TMEM127: variants seen among roughly 807,000 people sequenced by gnomAD.
The protein encoded by TMEM127 is transmembrane protein 127.
In TMEM127, 21 loss-of-function variants were observed where a neutral mutation model predicts 20.1. That is an observed-to-expected ratio of 1.04 (90% CI 0.74 to 1.50). The LOEUF (loss-of-function observed/expected upper bound fraction) is 1.50. TMEM127 is among the 40% of genes most tolerant of loss of function. The pLI is 0.00. For synonymous variants in TMEM127, 150 were observed against 144.7 expected (o/e 1.04, Z -0.26); for missense variants, 303 against 317.4 (o/e 0.95, Z 0.34).
Position 96,248,969 on chromosome 2 carries a change from T to C in TMEM127, c.*4839A>G. On this transcript the variant is annotated 3_prime_UTR_variant, in exon 4 of 4. Transcript: ENST00000258439. ...CCACTCAGCTGAAGGGGCTGGCCAG[T>C]CCCGCATAAACCCTCCAGCTCTGAG... The C allele has an allele frequency of 4.3e-6, 1 of 232,900 alleles. No individual in the cohort carries two copies. Among genetic ancestry groups the C allele is most frequent in the Non-Finnish European group, 8.5e-6 (1 of 117,908 alleles). 14.4% of individuals were successfully genotyped at this position (232,900 alleles called of 1,614,324 possible).
chr2:96,253,965 G>A lies in TMEM127; in HGVS notation c.560C>T (p.Ser187Leu), dbSNP rs1684147520. Residue 187 changes from serine to leucine, a missense_variant, in exon 4 of 4, where the codon TCA (serine) becomes TTA (leucine). By Grantham distance (145) the Ser-to-Leu change is moderately radical. Coordinates refer to ENST00000258439, the MANE Select transcript of TMEM127 (RefSeq NM_017849.4). The surrounding 1 kb of genome is among the most constrained non-coding windows in gnomAD (Gnocchi z 4.3). ...GAGGTTGGCTGCCGTGGCCAGGATT[G>A]AGGCTCCACCAGCTCCTGCCACCAG... ...FYLVAGAGGA[S>L]ILATAANLLR... The A allele has an allele frequency of 1.2e-6, 2 of 1,614,168 alleles. No homozygotes were observed. Among genetic ancestry groups the A allele is most frequent in the Non-Finnish European group, 1.7e-6 (2 of 1,180,028 alleles).
intron 2 of TMEM127, among the ~76,000 whole-genome samples, chr2:96,262,434 A>C (rs1684330143): frequency 6.6e-6 from 1 of 152,104 alleles, no homozygotes; most frequent in South Asian, 2.1e-4. Context: ...GTACCAAAAA[A>C]CCAGTAGGTA....
chr2:96,254,199 T>G, intron 3 of TMEM127, 84 bp from the exon 4 acceptor site: 4 of 1,553,082 alleles, frequency 2.6e-6, no homozygotes, highest in Non-Finnish European at 3.5e-6. Flanking sequence ...ACAGCCTCTC[T>G]ACCCAAACCC....
rs114226629 is a variant in TMEM127 at position 96,248,514 on chromosome 2, T to C, written c.*5294A>G. 6,111 of 190,102 alleles carry C rather than the reference T, an allele frequency of 0.032. 150 individuals carry two copies. Among genetic ancestry groups the C allele is most frequent in the Non-Finnish European group, 0.048 (4,323 of 90,608 alleles). 11.8% of individuals were successfully genotyped at this position (190,102 alleles called of 1,614,324 possible). On this transcript the variant is annotated 3_prime_UTR_variant, in exon 4 of 4. Transcript: ENST00000258439. ...GTCTCAAAAAATAAATAAGAAAAAA[T>C]GAATGAGACATTCTTCTTTTATTAA... is the stretch of plus-strand genomic sequence containing the variant.
At chr2:96,262,876 A>T (rs190652919) in intron 2 of TMEM127, among the ~76,000 whole-genome samples, 1 of 152,168 alleles carries the variant, frequency 6.6e-6, no homozygotes, top group Non-Finnish European at 1.5e-5. Flanking sequence ...ATGGGGTTTC[A>T]CCATGTTGGC....
chr2:96,260,569 G>T (rs943358444), intron 2 of TMEM127: 1 of 152,154 alleles, frequency 6.6e-6, no homozygotes, highest in African/African-American at 2.4e-5. Flanking sequence ...AGGGAAGTAG[G>T]CAGCTGTAAT....
Position 96,254,110 on chromosome 2 carries a change from G to A in TMEM127, c.415C>T (p.Gln139Ter). Residue 139 changes from glutamine (Q) to a stop codon, truncating the protein, a stop_gained, in exon 4 of 4, where the codon CAG becomes TAG. Transcript: ENST00000258439. LOFTEE classifies it high-confidence loss of function. ...YAFAHILTVL[Q>*]CATVIGFSYW... ...GAAAAGCCAATGACGGTGGCACACT[G>A]CAGAACTAGGAGACAGAGGGACAGC... 1.2e-6 allele frequency: 2 copies of A among 1,613,884 alleles called. No homozygotes were observed. Among genetic ancestry groups the A allele is most frequent in the Non-Finnish European group, 1.7e-6 (2 of 1,180,036 alleles).
At chr2:96,257,035 G>GA (rs1303421828) in intron 2 of TMEM127, among the ~76,000 whole-genome samples, 10 of 152,196 alleles carry the variant, frequency 6.6e-5, no homozygotes, top group Admixed American at 5.2e-4. Flanking sequence ...GAGGCTGAAA[G>GA]AAAAGACACA....
chr2:96,264,434 G>A (rs933171056), intron 2 of TMEM127, among the ~76,000 whole-genome samples: 4 of 152,172 alleles, frequency 2.6e-5, no homozygotes, highest in African/African-American at 7.2e-5. Context: ...CATTGTTAGG[G>A]TAAAAAGCAG....
Position 96,250,578 on chromosome 2 carries a change from A to G in TMEM127, c.*3230T>C. 4.3e-6 allele frequency: 1 copy of G among 232,948 alleles called. No individual in the cohort carries two copies. Among genetic ancestry groups the G allele is most frequent in the East Asian group, 6.0e-5 (1 of 16,552 alleles). 14.4% of individuals were successfully genotyped at this position (232,948 alleles called of 1,614,324 possible). The stretch of plus-strand genomic sequence containing the variant: ...AAATGAGAACACACTCCCAGCTTCC[A>G]AGAAAGATGTGTATTCTCCCTAACA... On this transcript the variant is annotated 3_prime_UTR_variant, in exon 4 of 4. Coordinates refer to ENST00000258439, the MANE Select transcript of TMEM127 (RefSeq NM_017849.4).
At chr2:96,263,360 C>CTTTT (rs1157265984) in intron 2 of TMEM127, among the ~76,000 whole-genome samples, 2 of 109,396 alleles carry the variant, frequency 1.8e-5, no homozygotes, top group South Asian at 2.9e-4. Flanking sequence ...CCTGGCCTTT[C>CTTTT]TTTTTTTTTT....
At chr2:96,264,832 A>G (rs1209054032) in intron 2 of TMEM127, among the ~76,000 whole-genome samples, 1 of 152,246 alleles carries the variant, frequency 6.6e-6, no homozygotes, top group Non-Finnish European at 1.5e-5. Context: ...TCCTTAGAAG[A>G]GGCCAGCTAA....
In TMEM127 at chr2:96,249,855, C is replaced by A; in HGVS notation, c.*3953G>T. 1 of 233,338 alleles carries A rather than the reference C, an allele frequency of 4.3e-6. No individual in the cohort carries two copies. 14.5% of individuals were successfully genotyped at this position (233,338 alleles called of 1,614,324 possible). On this transcript the variant is annotated 3_prime_UTR_variant, in exon 4 of 4. Transcript: ENST00000258439. ...GGAAAGCCGCCCTGCCCCAGATGCA[C>A]CACCTCTTCCTGTGTCCCAGGGTCC...
chr2:96,261,083 C>T (rs2104299701), intron 2 of TMEM127, among the ~76,000 whole-genome samples: 1 of 152,348 alleles, frequency 6.6e-6, no homozygotes, highest in Non-Finnish European at 1.5e-5. Flanking sequence ...TCCAAAGATG[C>T]TTCCTGGGGC....
chr2:96,262,262 T>A (rs1264167434), intron 2 of TMEM127, among the ~76,000 whole-genome samples: 6 of 132,986 alleles, frequency 4.5e-5, no homozygotes, highest in Non-Finnish European at 6.4e-5. Context: ...CTGTCTCATT[T>A]AAAAAAAAAA....
At position 96,265,200 on chromosome 2, in the gene TMEM127, C is replaced by T. The variant is rs886056448; in HGVS notation, c.182G>A (p.Cys61Tyr). 2 of 1,608,410 alleles carry T rather than the reference C, an allele frequency of 1.2e-6. No individual in the cohort carries two copies. Among genetic ancestry groups the T allele is most frequent in the South Asian group, 1.1e-5 (1 of 90,196 alleles). The change falls in exon 2 of 4, where the codon TGT (cysteine) becomes TAT (tyrosine). Residue 61 changes from cysteine to tyrosine, a missense_variant. By Grantham distance (194) the Cys-to-Tyr change is radical. Coordinates refer to ENST00000258439, the MANE Select transcript of TMEM127 (RefSeq NM_017849.4). ...PAWLHIHGGT[C>Y]SRQELGVSDV... Reference sequence around the variant, plus strand: ...GGAGACCCCCAGCTCCTGGCGCGAACAGGTGCCTCCGTGGATGTGCAACCA... The same window carrying T: ...GGAGACCCCCAGCTCCTGGCGCGAATAGGTGCCTCCGTGGATGTGCAACCA...
intron 2 of TMEM127, among the ~76,000 whole-genome samples, chr2:96,259,219 A>G (rs1468801913): frequency 6.6e-6 from 1 of 152,232 alleles, no homozygotes; most frequent in African/African-American, 2.4e-5. Context: ...AGATGGGTGA[A>G]GTGCCCCCCT....
At chr2:96,258,277 G>T (rs1684249907) in intron 2 of TMEM127, among the ~76,000 whole-genome samples, 1 of 152,198 alleles carries the variant, frequency 6.6e-6, no homozygotes. Context: ...AGAAACACTG[G>T]TTCCAGACCT....
At chr2:96,263,999 G>C (rs940006714) in intron 2 of TMEM127, among the ~76,000 whole-genome samples, 1 of 152,178 alleles carries the variant, frequency 6.6e-6, no homozygotes, top group Non-Finnish European at 1.5e-5. Flanking sequence ...CCAGCAAAGA[G>C]TACCATTAAG....
Sources: gnomAD v4.1 joint callset for allele counts (sites outside exome capture counted in the v4.1 genomes callset) on GRCh38, gnomAD v4.1.1 for gene constraint, Gnocchi (gnomAD v3.1) non-coding constraint, MANE v1.5 for transcripts, NCBI Gene and HGNC (gene_info 2026-07-23, HGNC 2026-07-21) for gene names.